The following NTRK3 variants were observed in gnomAD, a reference collection of about 807,000 sequenced individuals.
NTRK3 encodes the protein neurotrophic receptor tyrosine kinase 3.
In NTRK3, 24 loss-of-function variants were observed where a neutral mutation model predicts 91.7. The ratio of observed to expected loss-of-function variants is 0.26; its 90% CI spans 0.19 to 0.37. NTRK3 has a LOEUF of 0.37. Ranked by LOEUF, NTRK3 falls within the 10% of genes least tolerant of loss-of-function variation. The probability of loss-of-function intolerance (pLI) is 1.00; values close to 1 mark genes in which losing one functional copy is unlikely to be tolerated. For synonymous variants in NTRK3, 483 were observed against 404.0 expected, an observed-to-expected ratio of 1.20 and a Z score of -2.34; for missense variants, 880 against 1,068.9, an observed-to-expected ratio of 0.82 and a Z score of 2.46.
At chr15:88,126,504 T>G (rs1163267634) in intron 12 of NTRK3, 131 bp from the exon 13 acceptor site, 1 of 620,814 alleles carries the variant, frequency 1.6e-6, no homozygotes, top group African/African-American at 1.8e-5. Flanking sequence ...ACTGCAATAC[T>G]GAGTAAGGTC....
chr15:87,874,575 A>C, exon 19 of NTRK3: 1 of 233,304 alleles, frequency 4.3e-6, no homozygotes, highest in South Asian at 1.8e-4. Context: ...TCAGTTTTGA[A>C]ACACACAGCC....
intron 14 of NTRK3, among the ~76,000 whole-genome samples, chr15:87,946,939 T>C (rs1161121080): frequency 7.2e-6 from 1 of 138,182 alleles, no homozygotes; most frequent in Admixed American, 8.3e-5. Flanking sequence ...TGGAGTGCAA[T>C]GGCGCAATCT....
intron 3 of NTRK3, chr15:88,206,041 TATTAA>T (rs1430946794): frequency 6.6e-6 from 1 of 152,286 alleles, no homozygotes; most frequent in African/African-American, 2.4e-5. Flanking sequence ...GGAAGACACT[TATTAA>T]AACTCTCCAG....
At chr15:88,159,716 G>A (rs541118812) in intron 5 of NTRK3, among the ~76,000 whole-genome samples, 1 of 152,218 alleles carries the variant, frequency 6.6e-6, no homozygotes, top group African/African-American at 2.4e-5. Context: ...CAGGCTCCTG[G>A]GAACAAATGC....
At chr15:88,025,066 A>C (rs1268248385) in intron 14 of NTRK3, among the ~76,000 whole-genome samples, 1 of 151,836 alleles carries the variant, frequency 6.6e-6, no homozygotes, top group Non-Finnish European at 1.5e-5. Context: ...CACACACACA[A>C]CACATACACT....
At chr15:88,226,469 G>T (rs1299869715) in intron 3 of NTRK3, among the ~76,000 whole-genome samples, 2 of 152,214 alleles carry the variant, frequency 1.3e-5, no homozygotes, top group African/African-American at 4.8e-5. Flanking sequence ...ACCCACAATG[G>T]GGGTGGGTCT....
rs1203198399 is a variant in NTRK3, at chr15:88,135,846, C to T, written c.907+53G>A. The T allele has an allele frequency of 3.7e-6, 6 of 1,607,374 alleles. No individual in the cohort carries two copies. In the African/African-American group the frequency reaches 4.0e-5, roughly 11 times the overall value. On this transcript the variant is annotated intron_variant, in intron 9 of 18. Transcript: ENST00000394480. ...AACACCTTGGCCCCTCTCCAGCCTC[C>T]TATGCCAGTTGCCCCTCACACACAG...
intron 15 of NTRK3, among the ~76,000 whole-genome samples, chr15:87,933,650 G>A (rs1206467450): frequency 6.6e-6 from 1 of 152,248 alleles, no homozygotes; most frequent in African/African-American, 2.4e-5. Context: ...AACTGGGCAG[G>A]CAACACAATA....
At chr15:88,021,783 T>C (rs1487011939) in intron 14 of NTRK3, among the ~76,000 whole-genome samples, 1 of 152,190 alleles carries the variant, frequency 6.6e-6, no homozygotes, top group Non-Finnish European at 1.5e-5. Context: ...ACAAATTCTT[T>C]GGGACATCTG....
intron 14 of NTRK3, among the ~76,000 whole-genome samples, chr15:87,998,903 G>T (rs535562249): frequency 2.0e-5 from 3 of 152,254 alleles, no homozygotes; most frequent in East Asian, 1.9e-4. Context: ...TAGGGAGTGT[G>T]GGGGGAGGAG....
chr15:87,885,818 C>A, intron 17 of NTRK3, 83 bp from the exon 18 acceptor site: 3 of 494,132 alleles, frequency 6.1e-6, no homozygotes, highest in Non-Finnish European at 9.9e-6. Flanking sequence ...GAAGGCCTTC[C>A]TAAATAAGAC....
At chr15:87,926,099 A>G (rs2068285232) in intron 17 of NTRK3, among the ~76,000 whole-genome samples, 1 of 152,208 alleles carries the variant, frequency 6.6e-6, no homozygotes. Flanking sequence ...ATGGTTGCTA[A>G]TGGTGGTTGC....
At chr15:88,075,600 TTTGTTGTTG>T (rs367598541) in intron 13 of NTRK3, among the ~76,000 whole-genome samples, 1 of 151,994 alleles carries the variant, frequency 6.6e-6, no homozygotes, top group Non-Finnish European at 1.5e-5. Context: ...TTTCTTTATG[TTTGTTGTTG>T]TTGTTGTTGT....
In NTRK3 at chr15:88,074,921, G is replaced by A. The variant is rs116436168; in HGVS notation, c.1397-41876C>T. Among the ~76,000 whole-genome samples, 988 of 152,278 alleles carry A rather than the reference G, an allele frequency of 6.5e-3. 13 individuals are homozygous for A. The highest frequency in any genetic ancestry group is 0.022 in the African/African-American group (935 of 41,562). On this transcript the variant is annotated intron_variant, in intron 13 of 18. Transcript: ENST00000394480. ...CACCTATGATAGTTATTGGAATCAA[G>A]TGAGCTGATGTATGATGTAAGGGAC...
intron 10 of NTRK3, among the ~76,000 whole-genome samples, chr15:88,129,625 G>A (rs772101702): frequency 4.6e-5 from 7 of 152,098 alleles, no homozygotes; most frequent in Non-Finnish European, 7.4e-5. Context: ...TTTCAGGGCC[G>A]GACCAGGGAA....
chr15:88,112,127 T>G (rs183956962), intron 13 of NTRK3, among the ~76,000 whole-genome samples: 6 of 152,112 alleles, frequency 3.9e-5, no homozygotes, highest in Non-Finnish European at 7.4e-5. Flanking sequence ...AGGATGGTCT[T>G]GATCTCCTGA....
intron 13 of NTRK3, among the ~76,000 whole-genome samples, chr15:88,065,083 A>G (rs1188635974): frequency 6.6e-6 from 1 of 152,172 alleles, no homozygotes; most frequent in African/African-American, 2.4e-5. Flanking sequence ...ATGGCTCAGT[A>G]GTGTTCCCTG....
chr15:88,130,559 C>T (rs917093429), intron 10 of NTRK3, among the ~76,000 whole-genome samples: 26 of 152,060 alleles, frequency 1.7e-4, no homozygotes, highest in African/African-American at 5.8e-4. Flanking sequence ...CAAAACCTAT[C>T]GACATCACGC....
chr15:88,015,544 C>T (rs1248485352), intron 14 of NTRK3, among the ~76,000 whole-genome samples: 4 of 140,578 alleles, frequency 2.8e-5, no homozygotes, highest in African/African-American at 1.3e-4. Context: ...CTCTGCTCCC[C>T]TAATTTAAAC....
Sources: allele counts gnomAD v4.1 joint callset (sites outside exome capture counted in the v4.1 genomes callset), GRCh38; gene constraint gnomAD v4.1.1; transcripts MANE v1.5; gene names NCBI Gene and HGNC (gene_info 2026-07-23, HGNC 2026-07-21).